The following CUX1 variants were observed in gnomAD, a reference collection of about 807,000 sequenced individuals.
CUX1 encodes protein CASP.
In CUX1, 31 loss-of-function variants were observed where a neutral mutation model predicts 158.8. The observed-to-expected ratio is 0.20, with a 90% CI of 0.15 to 0.26. The LOEUF (loss-of-function observed/expected upper bound fraction) is 0.26, where lower values mean the gene tolerates loss of function less well. Among genes scored for constraint, CUX1 ranks in the 10% least tolerant of loss-of-function variants. CUX1 has a pLI of 1.00. For missense variants in CUX1, 1,589 were observed against 2,014.6 expected, an observed-to-expected ratio of 0.79 and a Z score of 4.04; for synonymous variants, 879 against 862.1, an observed-to-expected ratio of 1.02 and a Z score of -0.34.
intron 2 of CUX1, among the ~76,000 whole-genome samples, chr7:102,012,699 T>TG (rs2129299353): frequency 1.2e-5 from 1 of 86,760 alleles, no homozygotes; most frequent in Non-Finnish European, 2.4e-5. Flanking sequence ...TCCTGGAGAG[T>TG]GGGGGCGGGG....
rs189734883 is a variant in CUX1, at chr7:102,049,130, C to G, written c.189+20985C>G. Among the ~76,000 whole-genome samples the G allele has an allele frequency of 6.0e-3, 910 of 152,250 alleles. 9 individuals are homozygous for G. The highest frequency in any genetic ancestry group is 0.021 in the African/African-American group (877 of 41,546). The stretch of plus-strand genomic sequence containing the variant: ...CCACCTACAAGGACCTAGGGGGACA[C>G]AGTACTGGGGGCAGGAGCTGGGAAA... On this transcript the variant is annotated intron_variant, in intron 3 of 23. Transcript: ENST00000292535.
chr7:102,183,427 C>T (rs1793327028), intron 11 of CUX1, among the ~76,000 whole-genome samples: 1 of 152,102 alleles, frequency 6.6e-6, no homozygotes, highest in Admixed American at 6.5e-5. Flanking sequence ...AGCACCCACC[C>T]CATTGCTTTG....
At chr7:101,889,782 TAAAC>T (rs764491995) in intron 1 of CUX1, among the ~76,000 whole-genome samples, 96 of 152,130 alleles carry the variant, frequency 6.3e-4, no homozygotes, top group Admixed American at 2.2e-3. Flanking sequence ...AAAAAATAAA[TAAAC>T]AAATAAATAC....
intron 4 of CUX1, among the ~76,000 whole-genome samples, chr7:102,089,167 TC>T (rs1452609092): frequency 6.6e-6 from 1 of 152,348 alleles, no homozygotes; most frequent in Non-Finnish European, 1.5e-5. Flanking sequence ...ACTTTAAGCT[TC>T]AGAATTCGAT....
At chr7:101,947,500 T>C (rs992859844) in intron 2 of CUX1, among the ~76,000 whole-genome samples, 2 of 152,196 alleles carry the variant, frequency 1.3e-5, no homozygotes, top group African/African-American at 4.8e-5. Flanking sequence ...CCTTCATCAG[T>C]TTCTTAAAGA....
rs530673274 is a variant in CUX1 at position 101,963,187 on chromosome 7, A to G, written c.141+46962A>G. On this transcript the variant is annotated intron_variant, in intron 2 of 23. Transcript: ENST00000292535. Reference sequence around the variant, plus strand: ...CACCTGGCAGGAAAATTCCCTGCCTATCCTTCAGTGACCCCAGCACCGGTT... The same window carrying G: ...CACCTGGCAGGAAAATTCCCTGCCTGTCCTTCAGTGACCCCAGCACCGGTT... Among the ~76,000 whole-genome samples the G allele has an allele frequency of 1.1e-4, 17 of 152,174 alleles. No homozygotes were observed. In the South Asian group the frequency reaches 3.3e-3, roughly 30 times the overall value.
At chr7:102,166,165 A>G (rs967440996) in intron 9 of CUX1, among the ~76,000 whole-genome samples, 90 of 152,162 alleles carry the variant, frequency 5.9e-4, no homozygotes, top group Non-Finnish European at 1.0e-3. Flanking sequence ...CCCCGTGGCC[A>G]CCAGTCCCCT....
chr7:102,219,196 G>T (rs782663439), intron 20 of CUX1, among the ~76,000 whole-genome samples: 1 of 151,350 alleles, frequency 6.6e-6, no homozygotes, highest in Non-Finnish European at 1.5e-5. Context: ...CCTGCAGAGG[G>T]TGTGTGTGTG....
At chr7:101,952,794 C>CCACCCCTTGCCTCTG (rs951572102) in intron 2 of CUX1, among the ~76,000 whole-genome samples, 3 of 152,212 alleles carry the variant, frequency 2.0e-5, no homozygotes, top group African/African-American at 7.2e-5. Context: ...TGGGAGGTCC[C>CCACCCCTTGCCTCTG]CACCCCTTGC....
chr7:102,012,213 G>A (rs1585269451), intron 2 of CUX1, among the ~76,000 whole-genome samples: 3 of 151,682 alleles, frequency 2.0e-5, no homozygotes, highest in African/African-American at 7.3e-5. Flanking sequence ...TAAGAGATGG[G>A]GTCTCACTCT....
intron 17 of CUX1, chr7:102,275,444 G>A (rs1164848512): frequency 4.5e-5 from 51 of 1,120,998 alleles, no homozygotes; most frequent in Non-Finnish European, 6.1e-5. Context: ...GAGAGATGTG[G>A]CACAGACCGT....
At chr7:102,179,193 G>C (rs1365260417) in intron 11 of CUX1, among the ~76,000 whole-genome samples, 1 of 152,106 alleles carries the variant, frequency 6.6e-6, no homozygotes, top group Non-Finnish European at 1.5e-5. Context: ...GACTACAGGC[G>C]CCTGCCACCA....
intron 2 of CUX1, among the ~76,000 whole-genome samples, chr7:101,949,937 CT>C (rs770896710): frequency 2.0e-4 from 31 of 152,122 alleles, no homozygotes; most frequent in Non-Finnish European, 3.8e-4. Flanking sequence ...CTCTCAGGAG[CT>C]GGTGTCTCCT....
intron 2 of CUX1, among the ~76,000 whole-genome samples, chr7:101,965,881 T>G (rs1224743871): frequency 9.0e-5 from 13 of 144,992 alleles, no homozygotes. Context: ...AAAAGATGAC[T>G]TGGAGATTGA....
At position 102,256,506 on chromosome 7, in the gene CUX1, G is replaced by A; in HGVS notation, c.*7464G>A. ...ACCAAGGCGTCTGGGGGATTGACTG[G>A]GGGGCAGAGGGGGTTTCCCCAGCAA... On this transcript the variant is annotated 3_prime_UTR_variant, in exon 24 of 24. Coordinates refer to ENST00000292535, the MANE Select transcript of CUX1 (RefSeq NM_181552.4). The A allele has an allele frequency of 1.0e-6, 1 of 985,364 alleles. No individual in the cohort carries two copies. The allele number at this position is 985,364 out of a possible 1,614,324, so 61.0% of individuals were successfully genotyped here. A position where few individuals can be genotyped will look rare whatever the true frequency, so the allele number is the denominator to read the frequency against.
chr7:101,933,732 C>A (rs1403634383), intron 2 of CUX1, among the ~76,000 whole-genome samples: 1 of 152,166 alleles, frequency 6.6e-6, no homozygotes, highest in Non-Finnish European at 1.5e-5. Context: ...TTACTGCAGT[C>A]TTTGGTACTT....
At chr7:102,260,982 G>A (rs73187868), downstream of CUX1, among the ~76,000 whole-genome samples, 35,461 of 152,170 alleles carry the variant, frequency 0.23, 5,066 homozygotes, top group Non-Finnish European at 0.32. Flanking sequence ...GCCTGGGCCT[G>A]CATGTACGGA....
At chr7:102,267,426 T>C (rs111881330) in intron 14 of CUX1, among the ~76,000 whole-genome samples, 3 of 151,826 alleles carry the variant, frequency 2.0e-5, no homozygotes, top group Admixed American at 2.0e-4. Context: ...CCCAGCTGCT[T>C]GAGAGGCTGA....
intron 2 of CUX1, among the ~76,000 whole-genome samples, chr7:101,969,960 G>C (rs560533736): frequency 1.1e-3 from 119 of 110,170 alleles, no homozygotes; most frequent in Non-Finnish European, 1.7e-3. Flanking sequence ...AACCATCCTT[G>C]TCTTCTTGCC....
Sources: gnomAD v4.1 joint callset for allele counts (sites outside exome capture counted in the v4.1 genomes callset) on GRCh38, gnomAD v4.1.1 for gene constraint, MANE v1.5 for transcripts, NCBI Gene and HGNC (gene_info 2026-07-23, HGNC 2026-07-21) for gene names.